The following DAPK2 variants were observed in gnomAD, a reference collection of about 807,000 sequenced individuals.
The protein encoded by DAPK2 is death associated protein kinase 2, also known as death-associated protein kinase 2.
A neutral mutation model predicts 44.1 loss-of-function variants in DAPK2; 35 were observed. That is an observed-to-expected ratio of 0.79 (90% confidence interval 0.61 to 1.05). The LOEUF (loss-of-function observed/expected upper bound fraction) is 1.05. Among genes scored for constraint, DAPK2 ranks in the 50% least tolerant of loss-of-function variants. The pLI is 0.00. For missense variants in DAPK2, 453 were observed against 483.2 expected (o/e 0.94, Z 0.59); for synonymous variants, 174 against 182.6 (o/e 0.95, Z 0.38).
At chr15:64,034,837 A>G (rs2080132339) in intron 1 of DAPK2, among the ~76,000 whole-genome samples, 1 of 152,260 alleles carries the variant, frequency 6.6e-6, no homozygotes, top group Admixed American at 6.5e-5. Context: ...CCAGCTCAAC[A>G]GAAACATCTT....
At chr15:63,915,878 A>G (rs1204035214) in intron 8 of DAPK2, among the ~76,000 whole-genome samples, 2 of 152,218 alleles carry the variant, frequency 1.3e-5, no homozygotes, top group African/African-American at 4.8e-5. Flanking sequence ...TAAATTCTGC[A>G]GCAGAGGTGA....
intron 1 of DAPK2, among the ~76,000 whole-genome samples, chr15:63,984,492 A>G (rs1036887218): frequency 2.0e-5 from 3 of 152,192 alleles, no homozygotes; most frequent in African/African-American, 7.2e-5. Flanking sequence ...GGCAGCCCTG[A>G]GCCAGCTTCC....
intron 1 of DAPK2, among the ~76,000 whole-genome samples, chr15:64,023,730 T>C (rs560552956): frequency 1.9e-4 from 29 of 152,254 alleles, no homozygotes; most frequent in South Asian, 4.1e-4. Context: ...AAGGAAATGA[T>C]GTTGCTATCT....
chr15:63,946,990 C>A (rs2077465458), intron 3 of DAPK2, among the ~76,000 whole-genome samples: 1 of 152,160 alleles, frequency 6.6e-6, no homozygotes, highest in Non-Finnish European at 1.5e-5. Flanking sequence ...CCACAGCCAG[C>A]CCCTCCCCAC....
chr15:63,936,344 C>T (rs2077147602), intron 4 of DAPK2, among the ~76,000 whole-genome samples: 3 of 152,220 alleles, frequency 2.0e-5, no homozygotes, highest in Admixed American at 6.5e-5. Context: ...GGCTCGCTGG[C>T]TCACGTCGGT....
intron 3 of DAPK2, among the ~76,000 whole-genome samples, chr15:63,967,696 G>GA (rs1002219376): frequency 7.9e-5 from 12 of 151,260 alleles, no homozygotes; most frequent in East Asian, 3.9e-4. Context: ...GTCTCAAAAA[G>GA]AAAAAAAAAT....
rs1378628034 is a variant in DAPK2 at position 63,911,292 on chromosome 15, A to G, written c.1032+616T>C. The G allele has an allele frequency of 2.6e-5, 4 of 152,390 alleles. No homozygotes were observed. In the East Asian group the frequency reaches 7.7e-4, roughly 29 times the overall value. The allele number at this position is 152,390 out of a possible 1,614,324, so 9.4% of individuals were successfully genotyped here. The stretch of plus-strand genomic sequence containing the variant: ...TGTCATTATTTAATCTTTAGGAACT[A>G]TTATTAACCCTATTTTACAAATGAT... On this transcript the variant is annotated intron_variant, in intron 10 of 10. Transcript: ENST00000261891.
In DAPK2 at chr15:63,908,816, C is replaced by A; in HGVS notation, c.1033-216G>T. On this transcript the variant is annotated intron_variant, in intron 10 of 10. Transcript: ENST00000261891. This position sits in a 1 kb window ranked among gnomAD's most constrained non-coding sequence, Gnocchi z 5.7. ...CAACTGCTTGGAGGAAGGAAAGCAGCAGGGCATCTAAGGGAAACCAGACAT... is the reference window on the plus strand; with the variant it reads ...CAACTGCTTGGAGGAAGGAAAGCAGAAGGGCATCTAAGGGAAACCAGACAT... The A allele has an allele frequency of 2.5e-6, 1 of 402,846 alleles. No individual in the cohort carries two copies. The highest frequency in any genetic ancestry group is 5.1e-5 in the South Asian group (1 of 19,494). 25.0% of individuals were successfully genotyped at this position (402,846 alleles called of 1,614,324 possible). A position where few individuals can be genotyped will look rare whatever the true frequency, so the allele number is the denominator to read the frequency against.
At chr15:64,044,155 G>A (rs2080408871), upstream of DAPK2, among the ~76,000 whole-genome samples, 1 of 152,176 alleles carries the variant, frequency 6.6e-6, no homozygotes, top group African/African-American at 2.4e-5. Flanking sequence ...ACATGGCAGA[G>A]GGAAGGGACA....
chr15:63,914,831 C>T (rs1267231547), intron 8 of DAPK2, among the ~76,000 whole-genome samples: 1 of 152,202 alleles, frequency 6.6e-6, no homozygotes, highest in African/African-American at 2.4e-5. Context: ...TAAGGGAAGC[C>T]TTCCTTGACC....
chr15:63,933,877 G>C (rs1050388552), intron 4 of DAPK2, among the ~76,000 whole-genome samples: 1 of 152,092 alleles, frequency 6.6e-6, no homozygotes, highest in South Asian at 2.1e-4. Flanking sequence ...TTACAGGCTT[G>C]AGCCACCACT....
At chr15:64,043,050 A>T (rs2080384931), upstream of DAPK2, among the ~76,000 whole-genome samples, 1 of 152,234 alleles carries the variant, frequency 6.6e-6, no homozygotes, top group East Asian at 1.9e-4. Context: ...ACCTGGGTTT[A>T]AATCCCAGCT....
At chr15:63,947,919 C>T (rs2077490507) in intron 3 of DAPK2, among the ~76,000 whole-genome samples, 3 of 152,140 alleles carry the variant, frequency 2.0e-5, no homozygotes, top group Admixed American at 2.0e-4. Flanking sequence ...CCACCAAGAG[C>T]TCTGTGAGTG....
intron 1 of DAPK2, among the ~76,000 whole-genome samples, chr15:63,986,206 G>A (rs941723176): frequency 2.6e-5 from 4 of 152,214 alleles, no homozygotes; most frequent in African/African-American, 9.6e-5. Context: ...AGACAGGCCT[G>A]GCCTCAGAGA....
In DAPK2 at chr15:63,925,678, GCACACACA is replaced by G. The variant is rs3222873; in HGVS notation, c.812+255_812+262del. 8.1e-3 allele frequency among the ~76,000 whole-genome samples: 1,120 copies of G among 138,522 alleles called. 13 individuals carry two copies. Among genetic ancestry groups the G allele is most frequent in the South Asian group, 0.027 (117 of 4,274 alleles). 90.9% of individuals were successfully genotyped at this position (138,522 alleles called of 152,430 possible). ...AAAGAAACCCAGGCTGACTTGTAGC[GCACACACA>G]CACACACACACACACACACACACAC... On this transcript the variant is annotated intron_variant, in intron 7 of 10. Transcript: ENST00000261891.
intron 3 of DAPK2, among the ~76,000 whole-genome samples, chr15:63,944,375 C>T (rs757371972): frequency 7.9e-5 from 12 of 152,166 alleles, no homozygotes; most frequent in Non-Finnish European, 1.6e-4. Flanking sequence ...CCTTCCTAGG[C>T]CACCAAGGTA....
At chr15:63,996,895 C>T (rs1052979734) in intron 1 of DAPK2, among the ~76,000 whole-genome samples, 1 of 152,166 alleles carries the variant, frequency 6.6e-6, no homozygotes, top group Non-Finnish European at 1.5e-5. Flanking sequence ...TCTGCCCCCA[C>T]GCTTGCAGGT....
intron 6 of DAPK2, among the ~76,000 whole-genome samples, chr15:63,929,070 G>A (rs1253808567): frequency 6.6e-6 from 1 of 152,064 alleles, no homozygotes; most frequent in Non-Finnish European, 1.5e-5. Flanking sequence ...TGTGGTGGTG[G>A]GTGCCTGTAA....
At chr15:64,030,979 TACACACACACAC>T (rs71131201) in intron 1 of DAPK2, among the ~76,000 whole-genome samples, 2 of 140,186 alleles carry the variant, frequency 1.4e-5, no homozygotes, top group Non-Finnish European at 3.1e-5. Flanking sequence ...AATACACACA[TACACACACACAC>T]ACACACACAC....
Sources: allele counts gnomAD v4.1 joint callset (sites outside exome capture counted in the v4.1 genomes callset), GRCh38; gene constraint gnomAD v4.1.1; non-coding constraint Gnocchi (gnomAD v3.1); transcripts MANE v1.5; gene names NCBI Gene and HGNC (gene_info 2026-07-23, HGNC 2026-07-21).